The following ATRNL1 variants were observed in gnomAD, a reference collection of about 807,000 sequenced individuals.
The protein encoded by ATRNL1 is attractin like 1.
In ATRNL1, 95 loss-of-function variants were observed where a neutral mutation model predicts 182.7. The ratio of observed to expected loss-of-function variants is 0.52; its 90% CI spans 0.44 to 0.62. ATRNL1 has a LOEUF of 0.62. Ranked by LOEUF, ATRNL1 falls within the 20% of genes least tolerant of loss-of-function variation. The probability of loss-of-function intolerance (pLI) is 0.00; values close to 1 mark genes in which losing one functional copy is unlikely to be tolerated. For synonymous variants in ATRNL1, 576 were observed against 568.3 expected, an observed-to-expected ratio of 1.01 and a Z score of -0.19; for missense variants, 1,471 against 1,679.5, an observed-to-expected ratio of 0.88 and a Z score of 2.17.
intron 20 of ATRNL1, among the ~76,000 whole-genome samples, chr10:115,421,519 A>T (rs1271832636): frequency 6.6e-6 from 1 of 152,158 alleles, no homozygotes; most frequent in East Asian, 1.9e-4. Flanking sequence ...AACCGCTGAA[A>T]AATTAGGTGT....
At chr10:115,775,109 G>A (rs1253406536) in intron 27 of ATRNL1, among the ~76,000 whole-genome samples, 2 of 152,066 alleles carry the variant, frequency 1.3e-5, no homozygotes, top group African/African-American at 2.4e-5. Flanking sequence ...TATTTTAAAA[G>A]TAATATATTT....
intron 26 of ATRNL1, among the ~76,000 whole-genome samples, chr10:115,705,562 G>C (rs1017961866): frequency 2.6e-5 from 4 of 151,702 alleles, no homozygotes; most frequent in African/African-American, 9.7e-5. Flanking sequence ...CATTACCTTG[G>C]TGAGTAAAAT....
At chr10:115,594,529 CTG>C (rs1332716348) in intron 26 of ATRNL1, among the ~76,000 whole-genome samples, 4 of 152,156 alleles carry the variant, frequency 2.6e-5, no homozygotes, top group African/African-American at 9.7e-5. Context: ...TGTTTTGAGA[CTG>C]TGTCTCACTC....
intron 28 of ATRNL1, among the ~76,000 whole-genome samples, chr10:115,930,741 G>A (rs1222953142): frequency 6.6e-6 from 1 of 152,102 alleles, no homozygotes; most frequent in Non-Finnish European, 1.5e-5. Flanking sequence ...AAACATCTGG[G>A]CATGAGCATT....
At chr10:115,142,138 A>T (rs938380446) in intron 5 of ATRNL1, among the ~76,000 whole-genome samples, 3 of 152,168 alleles carry the variant, frequency 2.0e-5, no homozygotes, top group Non-Finnish European at 4.4e-5. Flanking sequence ...AGAAGGTGAT[A>T]AGTACAATGG....
chr10:115,392,499 A>G (rs1554954588), intron 19 of ATRNL1, among the ~76,000 whole-genome samples: 1 of 152,064 alleles, frequency 6.6e-6, no homozygotes, highest in Non-Finnish European at 1.5e-5. Context: ...TTGAAGCCAA[A>G]TTTTCTCTTC....
chr10:115,440,667 C>T (rs1427394042), intron 21 of ATRNL1, among the ~76,000 whole-genome samples: 1 of 151,804 alleles, frequency 6.6e-6, no homozygotes, highest in Non-Finnish European at 1.5e-5. Context: ...TGCATATTTT[C>T]TTCCCACTCC....
intron 26 of ATRNL1, among the ~76,000 whole-genome samples, chr10:115,667,041 A>G (rs77640633): frequency 0.012 from 1,829 of 152,200 alleles, 34 homozygotes; most frequent in African/African-American, 0.041. Context: ...CTTTTATATG[A>G]ATATGTACAT....
intron 26 of ATRNL1, among the ~76,000 whole-genome samples, chr10:115,617,434 A>G (rs1303310838): frequency 2.6e-5 from 4 of 151,988 alleles, no homozygotes; most frequent in African/African-American, 9.7e-5. Context: ...ATTGCGGCTC[A>G]CTGCAACATC....
At chr10:115,871,499 A>ATG in intron 28 of ATRNL1, among the ~76,000 whole-genome samples, 1 of 147,198 alleles carries the variant, frequency 6.8e-6, no homozygotes, top group South Asian at 2.1e-4. Flanking sequence ...ATATATATAT[A>ATG]TATATGACTT....
intron 25 of ATRNL1, among the ~76,000 whole-genome samples, chr10:115,521,669 C>A (rs1850943426): frequency 6.6e-6 from 1 of 151,956 alleles, no homozygotes; most frequent in Non-Finnish European, 1.5e-5. Flanking sequence ...TAGAGATGAT[C>A]CTATTTATTA....
intron 21 of ATRNL1, among the ~76,000 whole-genome samples, chr10:115,434,329 C>CTGTT (rs1386546931): frequency 1.3e-5 from 2 of 152,130 alleles, no homozygotes; most frequent in Non-Finnish European, 2.9e-5. Context: ...CTATACTAGA[C>CTGTT]TGTTCTCAGC....
At chr10:115,608,509 A>G (rs1555018140) in intron 26 of ATRNL1, among the ~76,000 whole-genome samples, 1 of 152,092 alleles carries the variant, frequency 6.6e-6, no homozygotes, top group Non-Finnish European at 1.5e-5. Context: ...ATAACCCTAT[A>G]TTATAATAGG....
chr10:115,550,503 A>G (rs1244748762), intron 26 of ATRNL1, among the ~76,000 whole-genome samples: 1 of 151,874 alleles, frequency 6.6e-6, no homozygotes, highest in Non-Finnish European at 1.5e-5. Context: ...AAAGATCAGT[A>G]CTATCTATAA....
intron 27 of ATRNL1, among the ~76,000 whole-genome samples, chr10:115,762,846 T>C (rs1218444465): frequency 2.0e-5 from 3 of 152,142 alleles, no homozygotes; most frequent in East Asian, 1.9e-4. Context: ...AATGAAAGCA[T>C]ACAATTTTTC....
intron 28 of ATRNL1, among the ~76,000 whole-genome samples, chr10:115,904,265 G>T (rs1197557912): frequency 1.3e-5 from 2 of 152,164 alleles, no homozygotes; most frequent in Non-Finnish European, 2.9e-5. Context: ...TGGCAGCACC[G>T]CACATGGTGC....
At chr10:115,830,177 T>C (rs538720455) in intron 27 of ATRNL1, among the ~76,000 whole-genome samples, 5 of 152,352 alleles carry the variant, frequency 3.3e-5, no homozygotes, top group African/African-American at 1.2e-4. Context: ...CAAAGGGCTT[T>C]GGGTTTTTGT....
chr10:115,477,071 C>G (rs562427594), intron 24 of ATRNL1, among the ~76,000 whole-genome samples: 1 of 151,520 alleles, frequency 6.6e-6, no homozygotes, highest in African/African-American at 2.4e-5. Context: ...TTCTTATACT[C>G]TTAAAAAAGT....
chr10:115,532,998 C>T (rs1408867850), intron 25 of ATRNL1, among the ~76,000 whole-genome samples: 6 of 151,820 alleles, frequency 4.0e-5, no homozygotes, highest in Non-Finnish European at 7.4e-5. Flanking sequence ...TTTTGATGTG[C>T]TGCTGGATTC....
Sources: gnomAD v4.1 joint callset for allele counts (sites outside exome capture counted in the v4.1 genomes callset) on GRCh38, gnomAD v4.1.1 for gene constraint, MANE v1.5 for transcripts, NCBI Gene and HGNC (gene_info 2026-07-23, HGNC 2026-07-21) for gene names.